ZBTB20: variants seen among roughly 807,000 people sequenced by gnomAD.
ZBTB20 encodes the protein zinc finger and BTB domain containing 20.
ZBTB20 carries 9 observed loss-of-function variants against 56.9 expected under a neutral mutation model. The ratio of observed to expected loss-of-function variants is 0.16; its 90% confidence interval spans 0.10 to 0.28. ZBTB20 has a LOEUF of 0.28. Ranked by LOEUF, ZBTB20 falls within the 10% of genes least tolerant of loss-of-function variation. The pLI is 1.00. For missense variants in ZBTB20, 655 were observed against 1,003.0 expected (o/e 0.65, Z 4.69); for synonymous variants, 417 against 420.7 (o/e 0.99, Z 0.11).
intron 2 of ZBTB20, among the ~76,000 whole-genome samples, chr3:115,042,946 A>G (rs1036798510): frequency 6.6e-6 from 1 of 152,216 alleles, no homozygotes; most frequent in Non-Finnish European, 1.5e-5. Context: ...TGAGATCCTA[A>G]ATTAAATCTA....
intron 7 of ZBTB20, among the ~76,000 whole-genome samples, chr3:114,389,639 C>T (rs1214277831): frequency 6.6e-6 from 1 of 152,012 alleles, no homozygotes; most frequent in East Asian, 1.9e-4. Flanking sequence ...CCTGTAATCC[C>T]AGCACTTTGG....
intron 5 of ZBTB20, among the ~76,000 whole-genome samples, chr3:114,787,147 A>C (rs1242019225): frequency 2.0e-5 from 3 of 150,982 alleles, no homozygotes; most frequent in African/African-American, 7.3e-5. Context: ...GTCAATTAAA[A>C]ATTTTTTTTC....
chr3:114,577,012 G>A (rs1401193877), intron 6 of ZBTB20, among the ~76,000 whole-genome samples: 1 of 152,082 alleles, frequency 6.6e-6, no homozygotes, highest in Non-Finnish European at 1.5e-5. Context: ...AGCTTTGGTA[G>A]CAAAAACAGG....
intron 3 of ZBTB20, among the ~76,000 whole-genome samples, chr3:114,908,960 A>G (rs1481586205): frequency 2.6e-5 from 4 of 152,106 alleles, no homozygotes; most frequent in Admixed American, 2.0e-4. Flanking sequence ...AAACTCTAAC[A>G]TATCTAATAA....
intron 7 of ZBTB20, among the ~76,000 whole-genome samples, chr3:114,403,495 A>G (rs2087005177): frequency 6.6e-6 from 1 of 152,014 alleles, no homozygotes; most frequent in African/African-American, 2.4e-5. Context: ...TCACCTATTT[A>G]TATGCTCCAA....
chr3:114,347,155 T>G (rs1056896735), intron 11 of ZBTB20, among the ~76,000 whole-genome samples: 1 of 146,636 alleles, frequency 6.8e-6, no homozygotes, highest in African/African-American at 2.5e-5. Context: ...TGGGCTCAAG[T>G]GATCTTCCCG....
rs1483464085 is a variant in ZBTB20 at position 114,325,548 on chromosome 3, A to G, written c.*13457T>C. ...GAGAAATCTTTAATCACAAAGAAGT[A>G]TAGTTAACTTACTAATTCTTTGAAT... On this transcript the variant is annotated 3_prime_UTR_variant, in exon 12 of 12. Transcript: ENST00000675478. The G allele has an allele frequency of 6.6e-6, 1 of 152,218 alleles. No individual in the cohort carries two copies. Among genetic ancestry groups the G allele is most frequent in the African/African-American group, 2.4e-5 (1 of 41,460 alleles). The allele number at this position is 152,218 out of a possible 1,614,324, so 9.4% of individuals were successfully genotyped here.
At chr3:115,057,610 C>T (rs1041777180) in intron 2 of ZBTB20, among the ~76,000 whole-genome samples, 3 of 152,214 alleles carry the variant, frequency 2.0e-5, no homozygotes, top group Middle Eastern at 3.4e-3. Flanking sequence ...GTTATATTTA[C>T]TCATATATTT....
At chr3:115,030,613 C>A (rs756294487) in intron 2 of ZBTB20, among the ~76,000 whole-genome samples, 1 of 150,916 alleles carries the variant, frequency 6.6e-6, no homozygotes, top group African/African-American at 2.4e-5. Context: ...ACACAAGAGG[C>A]ATCAAACTGT....
chr3:114,989,675 A>C (rs2078712333), intron 2 of ZBTB20, among the ~76,000 whole-genome samples: 1 of 152,092 alleles, frequency 6.6e-6, no homozygotes, highest in Non-Finnish European at 1.5e-5. Flanking sequence ...GGCATTGAAT[A>C]TATAAATTAC....
intron 6 of ZBTB20, among the ~76,000 whole-genome samples, chr3:114,592,262 G>A (rs1288845438): frequency 2.6e-5 from 4 of 152,118 alleles, no homozygotes; most frequent in South Asian, 2.1e-4. Context: ...TGCTGGTTAC[G>A]TGGAGTTATA....
chr3:114,441,955 C>T (rs936881895), intron 7 of ZBTB20, among the ~76,000 whole-genome samples: 1 of 151,912 alleles, frequency 6.6e-6, no homozygotes, highest in Non-Finnish European at 1.5e-5. Context: ...AATACAAACA[C>T]ACAAGGAAAG....
intron 5 of ZBTB20, among the ~76,000 whole-genome samples, chr3:114,796,191 A>G (rs1171428842): frequency 6.6e-6 from 1 of 152,004 alleles, no homozygotes; most frequent in Non-Finnish European, 1.5e-5. Context: ...GTTTCTGTCC[A>G]GGTCAAGGAA....
Position 114,315,247 on chromosome 3 carries a change from A to C in ZBTB20, c.*23758T>G, listed in dbSNP as rs1023275773. ...ACCTGCAAAGATTGGAGGGTATAAC[A>C]CTGCAGTCATTCAGCCCAGGTTCCT... On this transcript the variant is annotated 3_prime_UTR_variant, in exon 12 of 12. Transcript: ENST00000675478. 1 of 152,204 alleles carries C rather than the reference A, an allele frequency of 6.6e-6. No individual in the cohort carries two copies. The highest frequency in any genetic ancestry group is 6.5e-5 in the Admixed American group (1 of 15,282). The allele number at this position is 152,204 out of a possible 1,614,324, so 9.4% of individuals were successfully genotyped here.
At chr3:114,975,979 T>C (rs1206478639) in intron 2 of ZBTB20, among the ~76,000 whole-genome samples, 1 of 152,134 alleles carries the variant, frequency 6.6e-6, no homozygotes, top group African/African-American at 2.4e-5. Flanking sequence ...GCCTAACCAA[T>C]AAAACAGGCA....
At chr3:115,031,021 A>G (rs1184010318) in intron 2 of ZBTB20, among the ~76,000 whole-genome samples, 1 of 151,432 alleles carries the variant, frequency 6.6e-6, no homozygotes, top group African/African-American at 2.4e-5. Context: ...ATTTACATAC[A>G]TCCCTTCATA....
At chr3:114,747,561 C>T (rs894515841) in intron 5 of ZBTB20, among the ~76,000 whole-genome samples, 3 of 151,856 alleles carry the variant, frequency 2.0e-5, no homozygotes, top group African/African-American at 7.3e-5. Context: ...AAGATTCTGT[C>T]TCAATAAAAT....
chr3:114,681,305 C>T (rs554156587), intron 6 of ZBTB20, among the ~76,000 whole-genome samples: 7 of 152,110 alleles, frequency 4.6e-5, no homozygotes, highest in East Asian at 1.9e-4. Context: ...GACTATTAGG[C>T]GTGTGCCACC....
At chr3:114,959,949 A>G (rs2077387276) in intron 3 of ZBTB20, among the ~76,000 whole-genome samples, 1 of 152,232 alleles carries the variant, frequency 6.6e-6, no homozygotes, top group Non-Finnish European at 1.5e-5. Flanking sequence ...CCATTTTCAC[A>G]AAGTACTGAA....
Sources: allele counts gnomAD v4.1 joint callset (sites outside exome capture counted in the v4.1 genomes callset), GRCh38; gene constraint gnomAD v4.1.1; transcripts MANE v1.5; gene names NCBI Gene and HGNC (gene_info 2026-07-23, HGNC 2026-07-21).